RBM47: variants seen among roughly 807,000 people sequenced by gnomAD.
RBM47 encodes RNA binding motif protein 47.
Under a neutral mutation model 47.1 loss-of-function variants are expected in RBM47, and 21 were observed. The ratio of observed to expected loss-of-function variants is 0.45; its 90% confidence interval spans 0.32 to 0.64. The LOEUF is 0.64. RBM47 is among the 30% of genes least tolerant of loss of function. RBM47 has a pLI of 0.05. For synonymous variants in RBM47, 375 were observed against 361.7 expected, an observed-to-expected ratio of 1.04 and a Z score of -0.42; for missense variants, 708 against 870.9, an observed-to-expected ratio of 0.81 and a Z score of 2.35.
intron 1 of RBM47, among the ~76,000 whole-genome samples, chr4:40,579,784 G>A (rs1197897379): frequency 2.0e-5 from 3 of 149,752 alleles, no homozygotes; most frequent in African/African-American, 4.9e-5. Flanking sequence ...GTCTCACTCT[G>A]TCACCCAGGC....
At chr4:40,627,971 A>C (rs1458154262) in intron 1 of RBM47, among the ~76,000 whole-genome samples, 3 of 152,238 alleles carry the variant, frequency 2.0e-5, no homozygotes, top group Non-Finnish European at 4.4e-5. Flanking sequence ...GAAGATAATA[A>C]ATCTTTAATA....
rs142486819 is a variant in RBM47, at chr4:40,471,023, G to A, written c.-154-4324C>T. Among the ~76,000 whole-genome samples the A allele has an allele frequency of 7.7e-4, 118 of 152,276 alleles. No individual in the cohort carries two copies. In the East Asian group the frequency reaches 0.017, roughly 22 times the overall value. On this transcript the variant is annotated intron_variant, in intron 2 of 6. Coordinates refer to ENST00000295971, the MANE Select transcript of RBM47 (RefSeq NM_001098634.2). ...CTCCCAAAGTGCTGGGATTACAGGC[G>A]TGAGCCACCGCGTCTCGCCAGAACC...
intron 2 of RBM47, among the ~76,000 whole-genome samples, chr4:40,522,457 A>G (rs1407609589): frequency 6.6e-6 from 1 of 152,170 alleles, no homozygotes; most frequent in Non-Finnish European, 1.5e-5. Context: ...GTGAACTGAG[A>G]TTGTGCCACT....
chr4:40,544,439 C>A lies in RBM47; in HGVS notation c.-172G>T, dbSNP rs927918697. 6.6e-6 allele frequency: 1 copy of A among 152,190 alleles called. No homozygotes were observed. The highest frequency in any genetic ancestry group is 2.4e-5 in the African/African-American group (1 of 41,464). 9.4% of individuals were successfully genotyped at this position (152,190 alleles called of 1,614,324 possible). A position where few individuals can be genotyped will look rare whatever the true frequency, so the allele number is the denominator to read the frequency against. ...CAACTTACCAAACCTCCTCAGTGAG[C>A]CAAGGATTGCTGATCTCTGCTGGGT... On this transcript the variant is annotated 5_prime_UTR_variant, in exon 2 of 7. Transcript: ENST00000295971.
intron 2 of RBM47, among the ~76,000 whole-genome samples, chr4:40,531,961 G>A (rs1370326331): frequency 6.6e-6 from 1 of 151,648 alleles, no homozygotes; most frequent in Admixed American, 6.6e-5. Flanking sequence ...TGTGGGGCCT[G>A]AACTCCCAGC....
intron 2 of RBM47, among the ~76,000 whole-genome samples, chr4:40,520,574 CTAGGAAA>C (rs1726099895): frequency 6.6e-6 from 1 of 152,090 alleles, no homozygotes; most frequent in Non-Finnish European, 1.5e-5. Flanking sequence ...CCCTTGGACA[CTAGGAAA>C]TAGTAGAGGA....
chr4:40,445,647 T>C (rs781423761), intron 3 of RBM47, among the ~76,000 whole-genome samples: 2 of 152,222 alleles, frequency 1.3e-5, no homozygotes, highest in African/African-American at 2.4e-5. Flanking sequence ...TTTGTACTCA[T>C]GGTTACTGAC....
intron 1 of RBM47, among the ~76,000 whole-genome samples, chr4:40,572,621 G>A (rs1024729879): frequency 1.3e-5 from 2 of 151,068 alleles, no homozygotes; most frequent in South Asian, 2.1e-4. Flanking sequence ...AAAGTGGGCC[G>A]GCTGTGGTGG....
chr4:40,578,563 T>C (rs1452078003), intron 1 of RBM47, among the ~76,000 whole-genome samples: 1 of 152,226 alleles, frequency 6.6e-6, no homozygotes, highest in Non-Finnish European at 1.5e-5. Flanking sequence ...ATTTTCAGTG[T>C]TCTTAGCTTT....
chr4:40,501,932 T>C (rs1723430541), intron 2 of RBM47: 1 of 152,808 alleles, frequency 6.5e-6, no homozygotes. Flanking sequence ...GTTCTTCTTC[T>C]CCAGAGGCAG....
In RBM47 at chr4:40,525,103, G is replaced by A. The variant is rs112899342; in HGVS notation, c.-155+19319C>T. ...ATGAATCTGCTTGCACCCAACTAGG[G>A]GACCTCCCCTAGTTACCGCTTGCTA... is the stretch of plus-strand genomic sequence containing the variant. On this transcript the variant is annotated intron_variant, in intron 2 of 6. Transcript: ENST00000295971. Among the ~76,000 whole-genome samples, 1,060 of 152,204 alleles carry A rather than the reference G, an allele frequency of 7.0e-3. 12 individuals carry two copies. Among genetic ancestry groups the A allele is most frequent in the African/African-American group, 0.024 (976 of 41,518 alleles).
At chr4:40,555,250 T>C (rs1729969500) in intron 1 of RBM47, among the ~76,000 whole-genome samples, 1 of 152,202 alleles carries the variant, frequency 6.6e-6, no homozygotes, top group Non-Finnish European at 1.5e-5. Flanking sequence ...GTATTTTTAA[T>C]AGAGACGGGA....
intron 6 of RBM47, among the ~76,000 whole-genome samples, chr4:40,432,193 TCTCTCTC>T: frequency 6.9e-6 from 1 of 145,496 alleles, no homozygotes; most frequent in East Asian, 2.0e-4. Flanking sequence ...TTTCTCTCTC[TCTCTCTC>T]TTTACACACA....
chr4:40,603,821 C>T (rs1355872961), intron 1 of RBM47, among the ~76,000 whole-genome samples: 2 of 152,144 alleles, frequency 1.3e-5, no homozygotes, highest in African/African-American at 4.8e-5. Context: ...AGGCTGGTCT[C>T]GAGCTCCTGA....
intron 3 of RBM47, among the ~76,000 whole-genome samples, chr4:40,445,041 G>T (rs979452859): frequency 6.6e-6 from 1 of 151,910 alleles, no homozygotes; most frequent in East Asian, 2.0e-4. Context: ...TTGGGAGGCC[G>T]AGGAGGGCGG....
chr4:40,481,382 C>T (rs1016815505), intron 2 of RBM47, among the ~76,000 whole-genome samples: 1 of 149,574 alleles, frequency 6.7e-6, no homozygotes, highest in Non-Finnish European at 1.5e-5. Flanking sequence ...AAGCAATTCT[C>T]CTGCCTCAGC....
chr4:40,627,697 A>G (rs1176398051), intron 1 of RBM47, among the ~76,000 whole-genome samples: 1 of 152,242 alleles, frequency 6.6e-6, no homozygotes, highest in African/African-American at 2.4e-5. Flanking sequence ...ATGTGAGGAA[A>G]AAAATGAGTA....
chr4:40,471,023 G>C (rs142486819), intron 2 of RBM47, among the ~76,000 whole-genome samples: 2 of 152,158 alleles, frequency 1.3e-5, no homozygotes, highest in African/African-American at 2.4e-5. Context: ...GATTACAGGC[G>C]TGAGCCACCG....
chr4:40,502,986 C>CAA lies in RBM47; in HGVS notation c.-154-36289_-154-36288dup, dbSNP rs35856007. On this transcript the variant is annotated intron_variant, in intron 2 of 6. Transcript: ENST00000295971. ...GTAACATTGTACAACCCTGTCTGTA[C>CAA]AAAAAAAAAAAAAAAAAAGAATGGA... Among the ~76,000 whole-genome samples the CAA allele has an allele frequency of 2.3e-3, 196 of 86,436 alleles. 1 individual carries two copies. The highest frequency in any genetic ancestry group is 3.7e-3 in the South Asian group (8 of 2,170). The allele number at this position is 86,436 out of a possible 152,430, so 56.7% of individuals were successfully genotyped here. A position where few individuals can be genotyped will look rare whatever the true frequency, so the allele number is the denominator to read the frequency against.
Sources: gnomAD v4.1 joint callset for allele counts (sites outside exome capture counted in the v4.1 genomes callset) on GRCh38, gnomAD v4.1.1 for gene constraint, MANE v1.5 for transcripts, NCBI Gene and HGNC (gene_info 2026-07-23, HGNC 2026-07-21) for gene names.